KSR2: variants seen among roughly 807,000 people sequenced by gnomAD.
KSR2 encodes kinase suppressor of ras 2.
Under a neutral mutation model 107.8 loss-of-function variants are expected in KSR2, and 25 were observed. The ratio of observed to expected loss-of-function variants is 0.23; its 90% CI spans 0.17 to 0.32. The LOEUF is 0.32. Among genes scored for constraint, KSR2 ranks in the 10% least tolerant of loss-of-function variants. The pLI is 1.00. For synonymous variants in KSR2, 480 were observed against 507.0 expected, an observed-to-expected ratio of 0.95 and a Z score of 0.71; for missense variants, 887 against 1,268.9, an observed-to-expected ratio of 0.70 and a Z score of 4.57.
At chr12:117,949,217 AT>A (rs1896287663) in intron 1 of KSR2, among the ~76,000 whole-genome samples, 1 of 152,220 alleles carries the variant, frequency 6.6e-6, no homozygotes, top group Non-Finnish European at 1.5e-5. Flanking sequence ...TCATAAAAAA[AT>A]AAACATTTTA....
In KSR2 at chr12:117,735,644, A is replaced by T. The variant is rs544862958; in HGVS notation, c.986+25367T>A. On this transcript the variant is annotated intron_variant, in intron 4 of 19. Coordinates refer to ENST00000339824, the MANE Select transcript of KSR2 (RefSeq NM_173598.6). ...AAAATGTATCATTCCGCTTGTGGTA[A>T]AACAGTTCTTGGTTTGCATCAACAA... 3.3e-4 allele frequency among the ~76,000 whole-genome samples: 50 copies of T among 152,298 alleles called. 1 individual carries two copies. In the Middle Eastern group the frequency reaches 0.014, roughly 41 times the overall value.
At chr12:117,633,549 G>T (rs1416247942) in intron 5 of KSR2, among the ~76,000 whole-genome samples, 1 of 152,184 alleles carries the variant, frequency 6.6e-6, no homozygotes, top group Non-Finnish European at 1.5e-5. Context: ...GTTCTTTGTA[G>T]AGGCCCTAGG....
intron 1 of KSR2, among the ~76,000 whole-genome samples, chr12:117,939,005 AAG>A (rs1280140536): frequency 6.6e-6 from 1 of 152,124 alleles, no homozygotes; most frequent in African/African-American, 2.4e-5. Flanking sequence ...AAAAAAAAAA[AAG>A]GAAAGTAAAT....
chr12:117,472,996 T>C (rs780017007), intron 17 of KSR2, among the ~76,000 whole-genome samples: 1 of 152,314 alleles, frequency 6.6e-6, no homozygotes, highest in Non-Finnish European at 1.5e-5. Context: ...CTCACACTCA[T>C]ACTGCCAACT....
chr12:117,937,842 C>A (rs866254468), intron 1 of KSR2, among the ~76,000 whole-genome samples: 3 of 151,306 alleles, frequency 2.0e-5, no homozygotes, highest in African/African-American at 7.3e-5. Flanking sequence ...TGGCAGTGCA[C>A]GCCTGTAATC....
chr12:117,900,365 G>A (rs755852284), intron 1 of KSR2, among the ~76,000 whole-genome samples: 1 of 152,152 alleles, frequency 6.6e-6, no homozygotes, highest in Non-Finnish European at 1.5e-5. Context: ...GACCCTATAA[G>A]AAAGAAACCT....
intron 1 of KSR2, among the ~76,000 whole-genome samples, chr12:117,938,192 T>G (rs1158457302): frequency 6.6e-6 from 1 of 152,160 alleles, no homozygotes; most frequent in Non-Finnish European, 1.5e-5. Context: ...AAGGCATGTA[T>G]TCTGTGTCCC....
chr12:117,540,154 C>G lies in KSR2; in HGVS notation c.1519-267G>C, dbSNP rs116238839. 7.4e-3 allele frequency among the ~76,000 whole-genome samples: 1,124 copies of G among 152,232 alleles called. 18 individuals are homozygous for G. The highest frequency in any genetic ancestry group is 0.025 in the African/African-American group (1,059 of 41,552). Reference sequence around the variant, plus strand: ...AGGTGACCACGTAATGAAAACCAAACAGGTGACAGTCACTCACCCTGTGCC... The same window carrying G: ...AGGTGACCACGTAATGAAAACCAAAGAGGTGACAGTCACTCACCCTGTGCC... On this transcript the variant is annotated intron_variant, in intron 9 of 19. Transcript: ENST00000339824.
chr12:117,571,571 G>C (rs1013300250), intron 7 of KSR2, among the ~76,000 whole-genome samples: 1 of 152,144 alleles, frequency 6.6e-6, no homozygotes, highest in Admixed American at 6.5e-5. Flanking sequence ...TGGTCAAAGA[G>C]ATCACTGGAA....
At chr12:117,581,595 T>C (rs1879666384) in intron 6 of KSR2, among the ~76,000 whole-genome samples, 1 of 152,178 alleles carries the variant, frequency 6.6e-6, no homozygotes, top group South Asian at 2.1e-4. Flanking sequence ...CCACTCACCC[T>C]GCTAAGTTTG....
rs1872346285 is a variant in KSR2, at chr12:117,484,475, G to A, written c.2391C>T (p.Gly797=). 2 of 1,613,920 alleles carry A rather than the reference G, an allele frequency of 1.2e-6. No homozygotes were observed. Among genetic ancestry groups the A allele is most frequent in the African/African-American group, 2.7e-5 (2 of 75,074 alleles). The change falls in exon 16 of 20, where the codon GGC becomes GGT. Residue 797 remains glycine, a synonymous_variant. Coordinates refer to ENST00000339824, the MANE Select transcript of KSR2 (RefSeq NM_173598.6). ...LKSKNVFYDN[G]KVVITDFGLF... The stretch of plus-strand genomic sequence containing the variant: ...GTCCAAAGTCCGTGATGACCACTTT[G>A]CCGTTGTCATAGAAGACGTTCTTTG...
At chr12:117,628,541 G>A (rs1461525997) in intron 5 of KSR2, among the ~76,000 whole-genome samples, 1 of 152,188 alleles carries the variant, frequency 6.6e-6, no homozygotes, top group Non-Finnish European at 1.5e-5. Flanking sequence ...CTGCAGAACA[G>A]CAAATATTGC....
At chr12:117,712,713 G>A (rs1488794613) in intron 4 of KSR2, among the ~76,000 whole-genome samples, 1 of 152,144 alleles carries the variant, frequency 6.6e-6, no homozygotes, top group Admixed American at 6.5e-5. Flanking sequence ...CAGGCCACTG[G>A]CAGACCACCA....
chr12:117,590,113 C>G (rs747598032), intron 5 of KSR2, among the ~76,000 whole-genome samples: 28 of 152,352 alleles, frequency 1.8e-4, no homozygotes, highest in Admixed American at 5.2e-4. Flanking sequence ...GCTCCCATGA[C>G]ATTGAGACAA....
Position 117,831,351 on chromosome 12 carries a change from T to C in KSR2, c.472+24077A>G, listed in dbSNP as rs138240227. Among the ~76,000 whole-genome samples, 69 of 152,352 alleles carry C rather than the reference T, an allele frequency of 4.5e-4. No individual in the cohort carries two copies. In the East Asian group the frequency reaches 0.011, roughly 25 times the overall value. Reference sequence around the variant, plus strand: ...CAGAAATCTCCAACCTGGCCCACCTTGCAAGAAGCAGGGGCAGGACAGCCC... The same window carrying C: ...CAGAAATCTCCAACCTGGCCCACCTCGCAAGAAGCAGGGGCAGGACAGCCC... On this transcript the variant is annotated intron_variant, in intron 3 of 19. Transcript: ENST00000339824.
At chr12:117,534,834 G>A (rs1198082601) in intron 10 of KSR2, among the ~76,000 whole-genome samples, 1 of 151,940 alleles carries the variant, frequency 6.6e-6, no homozygotes, top group Non-Finnish European at 1.5e-5. Context: ...TGCAAGCAGA[G>A]GCCAGAATGA....
At chr12:117,519,459 A>T (rs1163625720) in intron 14 of KSR2, among the ~76,000 whole-genome samples, 1 of 152,176 alleles carries the variant, frequency 6.6e-6, no homozygotes, top group African/African-American at 2.4e-5. Context: ...GAGAGAATTA[A>T]CATTTCTAAC....
intron 3 of KSR2, among the ~76,000 whole-genome samples, chr12:117,771,072 T>TG (rs1889435850): frequency 1.3e-5 from 2 of 151,956 alleles, no homozygotes; most frequent in South Asian, 4.1e-4. Flanking sequence ...GTGAAATAGA[T>TG]GCTTTTACTC....
Position 117,785,107 on chromosome 12 carries a change from A to G in KSR2, c.473-23583T>C, listed in dbSNP as rs530253356. 1.4e-4 allele frequency among the ~76,000 whole-genome samples: 21 copies of G among 152,264 alleles called. No individual in the cohort carries two copies. In the South Asian group the frequency reaches 4.4e-3, roughly 32 times the overall value. On this transcript the variant is annotated intron_variant, in intron 3 of 19. Transcript: ENST00000339824. The stretch of plus-strand genomic sequence containing the variant: ...CCAAAGACCAGGAAAATCCTGACCA[A>G]TTTTCAAACGCAAAAGCAATCAACA...
Sources: gnomAD v4.1 joint callset for allele counts (sites outside exome capture counted in the v4.1 genomes callset) on GRCh38, gnomAD v4.1.1 for gene constraint, MANE v1.5 for transcripts, NCBI Gene and HGNC (gene_info 2026-07-23, HGNC 2026-07-21) for gene names.